Variants in RHOBTB2 observed in about 807,000 individuals in gnomAD.
RHOBTB2 encodes Rho related BTB domain containing 2.
In RHOBTB2, 39 loss-of-function variants were observed where a neutral mutation model predicts 66.5. That is an observed-to-expected ratio of 0.59 (90% CI 0.45 to 0.77). RHOBTB2 has a LOEUF of 0.77. Among genes scored for constraint, RHOBTB2 ranks in the 30% least tolerant of loss-of-function variants. The pLI is 0.00. For synonymous variants in RHOBTB2, 390 were observed against 395.0 expected (o/e 0.99, Z 0.15); for missense variants, 755 against 999.1 (o/e 0.76, Z 3.29).
intron 7 of RHOBTB2, among the ~76,000 whole-genome samples, chr8:23,013,677 G>A (rs1047265942): frequency 8.6e-5 from 13 of 151,894 alleles, no homozygotes; most frequent in African/African-American, 2.9e-4. Flanking sequence ...TGTATTTTTA[G>A]TAGAGACAGG....
At chr8:22,985,367 C>T (rs1026383862), upstream of RHOBTB2, among the ~76,000 whole-genome samples, 1 of 152,246 alleles carries the variant, frequency 6.6e-6, no homozygotes, top group Admixed American at 6.5e-5. Context: ...CTCCTTTGTG[C>T]TCAAACAGCG....
intron 7 of RHOBTB2, 126 bp from the exon 8 acceptor site, chr8:23,014,564 C>G: frequency 1.3e-6 from 1 of 792,990 alleles, no homozygotes; most frequent in Non-Finnish European, 2.1e-6. Flanking sequence ...GGGGCCTTTC[C>G]TGGCCTGTCC....
At chr8:22,982,364 T>C in the RHOBTB2 span, among the ~76,000 whole-genome samples, 1 of 152,224 alleles carries the variant, frequency 6.6e-6, no homozygotes, top group African/African-American at 2.4e-5. Flanking sequence ...CTCATGCCTG[T>C]AATCCCAGCA....
At chr8:22,974,305 G>A in the RHOBTB2 span, among the ~76,000 whole-genome samples, 3 of 152,192 alleles carry the variant, frequency 2.0e-5, no homozygotes, top group African/African-American at 4.8e-5. Context: ...CCTTTCTGTG[G>A]AGCATTTCAC....
At chr8:22,978,573 C>T in the RHOBTB2 span, among the ~76,000 whole-genome samples, 1 of 138,700 alleles carries the variant, frequency 7.2e-6, no homozygotes, top group East Asian at 2.1e-4. Context: ...ATTTATTGTA[C>T]TTTTTTTTTT....
intron 1 of RHOBTB2, among the ~76,000 whole-genome samples, chr8:23,003,434 CT>C (rs1162235935): frequency 6.6e-6 from 1 of 152,262 alleles, no homozygotes; most frequent in Non-Finnish European, 1.5e-5. Context: ...CTTTTGCTTT[CT>C]GGCAATCCCA....
At chr8:22,976,680 C>T in the RHOBTB2 span, among the ~76,000 whole-genome samples, 1 of 152,082 alleles carries the variant, frequency 6.6e-6, no homozygotes. Flanking sequence ...GGCTGGACTG[C>T]AGTGGTGCCA....
chr8:22,999,413 G>T (rs989483346), upstream of RHOBTB2, among the ~76,000 whole-genome samples: 1 of 151,508 alleles, frequency 6.6e-6, no homozygotes, highest in African/African-American at 2.4e-5. Flanking sequence ...GCTGCGGGAG[G>T]GGCGGAAGAG....
At chr8:22,967,447 A>G in the RHOBTB2 span, among the ~76,000 whole-genome samples, 2 of 152,070 alleles carry the variant, frequency 1.3e-5, no homozygotes, top group South Asian at 4.2e-4. Context: ...CGTCTCTACT[A>G]AAAATACAGA....
chr8:22,953,242 T>G, the RHOBTB2 span, among the ~76,000 whole-genome samples: 1 of 152,206 alleles, frequency 6.6e-6, no homozygotes, highest in Non-Finnish European at 1.5e-5. Flanking sequence ...TGCCCCATGG[T>G]GCGCATGCTT....
In RHOBTB2 at chr8:23,007,256, C is replaced by G. The variant is rs1427460535; in HGVS notation, c.1011C>G (p.Asp337Glu). The G allele has an allele frequency of 6.2e-7, 1 of 1,612,558 alleles. No homozygotes were observed. The highest frequency in any genetic ancestry group is 1.1e-5 in the South Asian group (1 of 91,008). ...HHHHHHHHGRDFLLRAASFDV... is the reference protein window; with the variant it reads ...HHHHHHHHGREFLLRAASFDV... ...ATCACCACCACCACCATGGGCGAGA[C>G]TTCCTGCTCCGAGCAGCCAGCTTTG... The change falls in exon 5 of 10, where the codon GAC (aspartate) becomes GAG (glutamate). Residue 337 changes from aspartate to glutamate, a missense_variant. Around this residue, in one of 7 missense-constraint regions of RHOBTB2, gnomAD observed 247 missense variants for 238.9 expected, o/e 1.03. Coordinates refer to ENST00000251822, the MANE Select transcript of RHOBTB2 (RefSeq NM_015178.3).
At chr8:22,952,169 T>C in the RHOBTB2 span, among the ~76,000 whole-genome samples, 2 of 152,172 alleles carry the variant, frequency 1.3e-5, no homozygotes, top group Admixed American at 1.3e-4. Context: ...AACAGTCAAT[T>C]TGCCACCTAA....
chr8:22,987,512 T>G (rs1419321154), exon 1 of RHOBTB2: 2 of 152,220 alleles, frequency 1.3e-5, no homozygotes, highest in African/African-American at 4.8e-5. Flanking sequence ...GAACACTACT[T>G]CAGGACAGGG....
intron 7 of RHOBTB2, 40 bp downstream of exon 7, chr8:23,010,728 G>A: frequency 6.2e-7 from 1 of 1,606,384 alleles, no homozygotes; most frequent in Non-Finnish European, 8.5e-7. Context: ...CCGCGGCAGA[G>A]GCCAGGGAAA....
chr8:23,003,451 C>T (rs551385360), intron 1 of RHOBTB2, among the ~76,000 whole-genome samples: 104 of 152,348 alleles, frequency 6.8e-4, no homozygotes, highest in African/African-American at 2.3e-3. Context: ...TCCCATCGCC[C>T]ATGTAGCCAG....
intron 6 of RHOBTB2, among the ~76,000 whole-genome samples, 164 bp downstream of exon 6, chr8:23,008,275 A>C (rs1258046755): frequency 6.6e-6 from 1 of 152,248 alleles, no homozygotes; most frequent in Non-Finnish European, 1.5e-5. Flanking sequence ...TAAGGATTAT[A>C]CAATACACCA....
At chr8:22,962,179 C>CAAAAAAAAA in the RHOBTB2 span, among the ~76,000 whole-genome samples, 6 of 13,834 alleles carry the variant, frequency 4.3e-4, no homozygotes, top group Admixed American at 1.4e-3. Context: ...AACGAATTTA[C>CAAAAAAAAA]AAAAAAAAAA....
the RHOBTB2 span, among the ~76,000 whole-genome samples, chr8:22,980,036 G>A: frequency 2.4e-4 from 37 of 152,182 alleles, no homozygotes; most frequent in East Asian, 6.6e-3. Flanking sequence ...GGGATTACAG[G>A]TGTGAGCCAC....
the RHOBTB2 span, among the ~76,000 whole-genome samples, chr8:22,969,553 G>T: frequency 6.6e-6 from 1 of 152,120 alleles, no homozygotes; most frequent in Non-Finnish European, 1.5e-5. Flanking sequence ...AGCACTCAAA[G>T]AATGCAAAAC....
Sources: allele counts gnomAD v4.1 joint callset (sites outside exome capture counted in the v4.1 genomes callset), GRCh38; gene constraint gnomAD v4.1.1; regional missense constraint gnomAD v4.1.1; transcripts MANE v1.5; gene names NCBI Gene and HGNC (gene_info 2026-07-23, HGNC 2026-07-21).